Variants in CFAP46 observed in about 807,000 individuals in gnomAD.
CFAP46 encodes the protein cilia- and flagella-associated protein 46.
Under a neutral mutation model 325.7 loss-of-function variants are expected in CFAP46, and 245 were observed. The ratio of observed to expected loss-of-function variants is 0.75; its 90% CI spans 0.68 to 0.84. The LOEUF (loss-of-function observed/expected upper bound fraction) is 0.84, where lower values mean the gene tolerates loss of function less well. Ranked by LOEUF, CFAP46 falls within the 40% of genes least tolerant of loss-of-function variation. The probability of loss-of-function intolerance (pLI) is 0.00; values close to 1 mark genes in which losing one functional copy is unlikely to be tolerated. For missense variants in CFAP46, 3,346 were observed against 3,543.0 expected, an observed-to-expected ratio of 0.94 and a Z score of 1.41; for synonymous variants, 1,523 against 1,495.9, an observed-to-expected ratio of 1.02 and a Z score of -0.42.
intron 3 of CFAP46, 107 bp from the exon 4 acceptor site, chr10:132,941,167 T>C (rs916290359): frequency 7.2e-5 from 76 of 1,055,972 alleles, no homozygotes; most frequent in Non-Finnish European, 1.0e-4. Flanking sequence ...ACCCCCTGTG[T>C]GTCACCTGTG....
At chr10:132,936,293 TCGG>T (rs1850003868) in intron 7 of CFAP46, among the ~76,000 whole-genome samples, 1 of 82,498 alleles carries the variant, frequency 1.2e-5, no homozygotes, top group Non-Finnish European at 2.3e-5. Context: ...CTCACTCCCC[TCGG>T]CACCCAAACA....
intron 18 of CFAP46, 44 bp downstream of exon 18, chr10:132,913,002 G>A: frequency 6.5e-7 from 1 of 1,539,376 alleles, no homozygotes; most frequent in Non-Finnish European, 8.8e-7. Context: ...TCTCCCAAGG[G>A]AAGAAGCCCC....
At chr10:132,906,432 G>A (rs975129562) in intron 22 of CFAP46, among the ~76,000 whole-genome samples, 101 of 152,278 alleles carry the variant, frequency 6.6e-4, no homozygotes, top group African/African-American at 1.9e-3. Context: ...CCTGCCAACC[G>A]AGAAGAGTGA....
Position 132,919,188 on chromosome 10 carries a change from G to T in CFAP46, c.1858+127C>A. ...ATAATTAGTGGGAACTGCTACCATT[G>T]TGACTTAGCAATACGCTTTCTCATG... On this transcript the variant is annotated intron_variant, in intron 15 of 57. Transcript: ENST00000368586. This position sits in a 1 kb window ranked among gnomAD's most constrained non-coding sequence, Gnocchi z 9.7. The T allele has an allele frequency of 9.8e-7, 1 of 1,020,614 alleles. No individual in the cohort carries two copies. Among genetic ancestry groups the T allele is most frequent in the Non-Finnish European group, 1.4e-6 (1 of 737,352 alleles). The allele number at this position is 1,020,614 out of a possible 1,614,324, so 63.2% of individuals were successfully genotyped here.
intron 25 of CFAP46, among the ~76,000 whole-genome samples, chr10:132,890,771 C>T (rs1016951351): frequency 1.3e-5 from 2 of 152,154 alleles, no homozygotes; most frequent in Non-Finnish European, 2.9e-5. Flanking sequence ...CGGGCTCATG[C>T]CTGCAGGACC....
Position 132,878,044 on chromosome 10 carries a change from G to A in CFAP46, c.4049C>T (p.Pro1350Leu), listed in dbSNP as rs1348511004. ...TAGKSVLENR[P>L]LAATSSHLLL... ...CAGATGTGAGCTGGTTGCTGCCAGG[G>A]GTCTGTTTTCCAGAACTGATTTTCC... Residue 1350 changes from proline (P) to leucine (L), a missense_variant, in exon 30 of 58, where the codon CCC becomes CTC. Coordinates refer to ENST00000368586, the MANE Select transcript of CFAP46 (RefSeq NM_001200049.3). 1.9e-6 allele frequency: 3 copies of A among 1,548,708 alleles called. No homozygotes were observed. Among genetic ancestry groups the A allele is most frequent in the Admixed American group, 3.9e-5 (2 of 50,892 alleles).
At chr10:132,838,256 C>T (rs538717897) in intron 44 of CFAP46, among the ~76,000 whole-genome samples, 26 of 152,388 alleles carry the variant, frequency 1.7e-4, no homozygotes, top group East Asian at 1.3e-3. Flanking sequence ...TGGGCCTCTC[C>T]GCATGGGCAG....
At chr10:132,888,288 G>A (rs61862355) in intron 25 of CFAP46, among the ~76,000 whole-genome samples, 34,260 of 137,474 alleles carry the variant, frequency 0.25, 5,544 homozygotes, top group Admixed American at 0.43. Flanking sequence ...TCCCATCCTG[G>A]GTGCTTCCAT....
chr10:132,866,230 A>G, intron 34 of CFAP46, 59 bp from the exon 35 acceptor site: 1 of 1,425,100 alleles, frequency 7.0e-7, no homozygotes, highest in Non-Finnish European at 9.3e-7. Context: ...TCTGAGTCTC[A>G]CGGGACAGGC....
At chr10:132,920,776 C>T (rs1849710902) in intron 13 of CFAP46, among the ~76,000 whole-genome samples, 1 of 152,238 alleles carries the variant, frequency 6.6e-6, no homozygotes, top group Admixed American at 6.5e-5. Flanking sequence ...GGAGCCCGTG[C>T]CGCCCTCACT....
chr10:132,821,339 CTGTGTGCTGA>C (rs1457369985), intron 50 of CFAP46, among the ~76,000 whole-genome samples: 3 of 110,206 alleles, frequency 2.7e-5, no homozygotes, highest in Non-Finnish European at 5.2e-5. Flanking sequence ...CTGATGTGTG[CTGTGTGCTGA>C]TGTGTGCTGT....
intron 47 of CFAP46, 27 bp from the exon 48 acceptor site, chr10:132,834,802 C>A: frequency 1.2e-6 from 2 of 1,603,618 alleles, no homozygotes; most frequent in East Asian, 2.2e-5. Flanking sequence ...AAGAGGCCCC[C>A]GTAGCAAACA....
intron 44 of CFAP46, among the ~76,000 whole-genome samples, chr10:132,841,026 A>G (rs1848338135): frequency 6.6e-6 from 1 of 152,190 alleles, no homozygotes. Context: ...CCCTGAATCT[A>G]AAACCATTAA....
At position 132,922,604 on chromosome 10, in the gene CFAP46, C is replaced by G. The variant is rs538355861; in HGVS notation, c.1361G>C (p.Arg454Pro). 2 of 1,549,180 alleles carry G rather than the reference C, an allele frequency of 1.3e-6. No homozygotes were observed. Among genetic ancestry groups the G allele is most frequent in the African/African-American group, 1.4e-5 (1 of 73,054 alleles). The change falls in exon 12 of 58, where the codon CGC becomes CCC. Residue 454 changes from arginine to proline, a missense_variant. Arg to Pro is a moderately radical substitution (Grantham distance 103). Transcript: ENST00000368586. ...CCGGTAGAGGCCCAGGCTGTCCAGG[C>G]GCGCGGCTTTCCGGAGGTGCTCCGT... ...PATEHLRKAA[R>P]LDSLGLYRDR...
At chr10:132,941,106 T>C in intron 3 of CFAP46, 46 bp from the exon 4 acceptor site, 8 of 1,597,186 alleles carry the variant, frequency 5.0e-6, no homozygotes, top group Non-Finnish European at 6.9e-6. Context: ...TACTGACCCC[T>C]GCTCACTGCC....
chr10:132,917,033 G>A (rs1006669287), intron 16 of CFAP46, among the ~76,000 whole-genome samples: 4 of 152,234 alleles, frequency 2.6e-5, no homozygotes, highest in African/African-American at 7.2e-5. Context: ...CGTTTTAAAT[G>A]TTTGAGGGGA....
intron 3 of CFAP46, 116 bp from the exon 4 acceptor site, chr10:132,941,176 TG>T (rs1850094876): frequency 1.0e-6 from 1 of 1,001,374 alleles, no homozygotes; most frequent in African/African-American, 1.6e-5. Context: ...GTGTCACCTG[TG>T]TATCCACAGG....
intron 44 of CFAP46, among the ~76,000 whole-genome samples, chr10:132,843,802 TCGGTGGGTGTTCC>T (rs1848387539): frequency 2.4e-5 from 2 of 82,820 alleles, no homozygotes; most frequent in African/African-American, 9.3e-5. Flanking sequence ...GGCTCTGGTC[TCGGTGGGTGTTCC>T]CAGGGTGCTG....
At position 132,878,444 on chromosome 10, in the gene CFAP46, A is replaced by T. The variant is rs112818007; in HGVS notation, c.4006-357T>A. Reference sequence around the variant, plus strand: ...AGCGGCCCTTGTTGGGGATGTACCCAGGCAGGGAGGACGCTAGGCACGCCT... The same window carrying T: ...AGCGGCCCTTGTTGGGGATGTACCCTGGCAGGGAGGACGCTAGGCACGCCT... On this transcript the variant is annotated intron_variant, in intron 29 of 57. Transcript: ENST00000368586. Among the ~76,000 whole-genome samples the T allele has an allele frequency of 2.6e-3, 401 of 152,142 alleles. 3 individuals carry two copies. The highest frequency in any genetic ancestry group is 9.0e-3 in the African/African-American group (375 of 41,510).
Sources: gnomAD v4.1 joint callset for allele counts (sites outside exome capture counted in the v4.1 genomes callset) on GRCh38, gnomAD v4.1.1 for gene constraint, Gnocchi (gnomAD v3.1) non-coding constraint, MANE v1.5 for transcripts, NCBI Gene and HGNC (gene_info 2026-07-23, HGNC 2026-07-21) for gene names.